Variants in MBD5 observed in about 807,000 individuals in gnomAD.
MBD5 encodes the protein methyl-CpG binding domain protein 5.
In MBD5, 13 loss-of-function variants were observed where a neutral mutation model predicts 117.3. That is an observed-to-expected ratio of 0.11 (90% CI 0.07 to 0.18). The LOEUF (loss-of-function observed/expected upper bound fraction) is 0.18, where lower values mean the gene tolerates loss of function less well. Ranked by LOEUF, MBD5 falls within the 10% of genes least tolerant of loss-of-function variation. MBD5 has a pLI of 1.00. For missense variants in MBD5, 1,879 were observed against 2,093.8 expected (o/e 0.90, Z 2.00); for synonymous variants, 727 against 766.4 (o/e 0.95, Z 0.85).
intron 1 of MBD5, among the ~76,000 whole-genome samples, chr2:148,093,332 T>C (rs892853639): frequency 6.6e-6 from 1 of 152,198 alleles, no homozygotes; most frequent in Non-Finnish European, 1.5e-5. Flanking sequence ...CACTGGAAAC[T>C]CCTAAGGTTG....
chr2:148,204,942 G>A (rs758194339), intron 2 of MBD5, among the ~76,000 whole-genome samples: 3 of 151,986 alleles, frequency 2.0e-5, no homozygotes, highest in Non-Finnish European at 2.9e-5. Flanking sequence ...AGAACAAAAT[G>A]TAGACACTAT....
At chr2:148,244,854 C>T (rs1252152520) in intron 3 of MBD5, among the ~76,000 whole-genome samples, 3 of 152,158 alleles carry the variant, frequency 2.0e-5, no homozygotes, top group South Asian at 2.1e-4. Context: ...GTGAGACATG[C>T]GAGGTTTTTT....
intron 1 of MBD5, among the ~76,000 whole-genome samples, chr2:148,101,916 T>C (rs1696227060): frequency 6.6e-6 from 1 of 152,172 alleles, no homozygotes; most frequent in Non-Finnish European, 1.5e-5. Flanking sequence ...TGCATGTATA[T>C]ACATACACAC....
chr2:148,373,112 G>A (rs1703900771), intron 4 of MBD5, among the ~76,000 whole-genome samples: 1 of 151,924 alleles, frequency 6.6e-6, no homozygotes, highest in African/African-American at 2.4e-5. Flanking sequence ...TTTTAACTTC[G>A]GTGAATAAAC....
intron 3 of MBD5, among the ~76,000 whole-genome samples, chr2:148,334,418 G>T (rs1404705459): frequency 1.3e-5 from 2 of 151,834 alleles, no homozygotes; most frequent in African/African-American, 4.8e-5. Context: ...TTACAACCTG[G>T]AACTCTTGGG....
intron 3 of MBD5, among the ~76,000 whole-genome samples, chr2:148,246,274 G>A (rs73011293): frequency 7.9e-4 from 120 of 152,232 alleles, no homozygotes; most frequent in African/African-American, 2.8e-3. Flanking sequence ...GTATATATCG[G>A]AATCCAGCAC....
At chr2:148,482,538 G>C (rs563437211) in intron 8 of MBD5, among the ~76,000 whole-genome samples, 1 of 152,040 alleles carries the variant, frequency 6.6e-6, no homozygotes, top group Admixed American at 6.5e-5. Flanking sequence ...TAGACATGCA[G>C]GTAGAAAAAG....
At position 148,037,443 on chromosome 2, in the gene MBD5, A is replaced by G. The variant is rs1033235279; in HGVS notation, c.-925+15759A>G. Among the ~76,000 whole-genome samples, 24 of 152,090 alleles carry G rather than the reference A, an allele frequency of 1.6e-4. 1 individual carries two copies. In the East Asian group the frequency reaches 4.6e-3, roughly 29 times the overall value. Reference sequence around the variant, plus strand: ...TCCTGATGTAATTAAACCACTTTAAATGTCTGCTAAAAAATATCAAGTTAT... The same window carrying G: ...TCCTGATGTAATTAAACCACTTTAAGTGTCTGCTAAAAAATATCAAGTTAT... On this transcript the variant is annotated intron_variant, in intron 1 of 13. Coordinates refer to ENST00000642680, the MANE Select transcript of MBD5 (RefSeq NM_001378120.1).
chr2:148,048,498 G>GA lies in MBD5; in HGVS notation c.-925+26818dup, dbSNP rs549628121. On this transcript the variant is annotated intron_variant, in intron 1 of 13. Coordinates refer to ENST00000642680, the MANE Select transcript of MBD5 (RefSeq NM_001378120.1). Reference sequence around the variant, plus strand: ...AATGCTTTAGTGGAGAGTTTTGTGAGAAAATAAGAACTGAGAAAAGAAGCC... The same window carrying GA: ...AATGCTTTAGTGGAGAGTTTTGTGAGAAAAATAAGAACTGAGAAAAGAAGCC... 6.2e-3 allele frequency among the ~76,000 whole-genome samples: 948 copies of GA among 152,206 alleles called. 6 individuals are homozygous for GA. The highest frequency in any genetic ancestry group is 0.01 in the Admixed American group (159 of 15,286).
At chr2:148,238,742 T>C (rs1028633260) in intron 3 of MBD5, among the ~76,000 whole-genome samples, 1 of 152,110 alleles carries the variant, frequency 6.6e-6, no homozygotes, top group Non-Finnish European at 1.5e-5. Context: ...TTGCCAGCAA[T>C]TTTTGGCATT....
Position 148,445,361 on chromosome 2 carries a change from T to C in MBD5, c.-556-12842T>C, listed in dbSNP as rs934928646. On this transcript the variant is annotated intron_variant, in intron 4 of 13. Coordinates refer to ENST00000642680, the MANE Select transcript of MBD5 (RefSeq NM_001378120.1). ...TCCAAATGTTCTCATTGTTCAGTTCTCACCTATGAGTGAGAACATGCGGTG... is the reference window on the plus strand; with the variant it reads ...TCCAAATGTTCTCATTGTTCAGTTCCCACCTATGAGTGAGAACATGCGGTG... Among the ~76,000 whole-genome samples, 12 of 150,862 alleles carry C rather than the reference T, an allele frequency of 8.0e-5. 1 individual carries two copies. Among genetic ancestry groups the C allele is most frequent in the Non-Finnish European group, 1.0e-4 (7 of 67,938 alleles).
chr2:148,147,776 G>A (rs1307830228), intron 1 of MBD5, among the ~76,000 whole-genome samples: 1 of 152,112 alleles, frequency 6.6e-6, no homozygotes, highest in East Asian at 1.9e-4. Flanking sequence ...CCTTTGTGAA[G>A]GGCCTGTGTG....
intron 3 of MBD5, among the ~76,000 whole-genome samples, chr2:148,294,369 T>C (rs1462371017): frequency 1.4e-5 from 2 of 140,564 alleles, no homozygotes; most frequent in Admixed American, 1.4e-4. Context: ...GGACTACAGG[T>C]GCCCGCCACC....
rs35382856 is a variant in MBD5, at chr2:148,162,738, AAG to A, written c.-924-15960_-924-15959del. Among the ~76,000 whole-genome samples the A allele has an allele frequency of 9.9e-3, 1,510 of 152,292 alleles. 26 individuals carry two copies. The highest frequency in any genetic ancestry group is 0.034 in the African/African-American group (1,425 of 41,564). Reference sequence around the variant, plus strand: ...GAAAAATACATTCTAACAAACAAAAAAGAATATAATTCTAACAAAAAGTTTAT... The same window carrying A: ...GAAAAATACATTCTAACAAACAAAAAAATATAATTCTAACAAAAAGTTTAT... On this transcript the variant is annotated intron_variant, in intron 1 of 13. Transcript: ENST00000642680.
chr2:148,371,608 C>A (rs991009838), intron 4 of MBD5, among the ~76,000 whole-genome samples: 18 of 152,156 alleles, frequency 1.2e-4, no homozygotes, highest in Middle Eastern at 3.4e-3. Flanking sequence ...AGTGTGTGAT[C>A]TTTTAGTAAG....
chr2:148,244,665 G>C (rs1246766559), intron 3 of MBD5, among the ~76,000 whole-genome samples: 3 of 152,104 alleles, frequency 2.0e-5, no homozygotes, highest in African/African-American at 7.2e-5. Flanking sequence ...ATTGTAGTGG[G>C]CACTGGTGAC....
rs539765728 is a variant in MBD5, at chr2:148,456,448, G to C, written c.-556-1755G>C. Among the ~76,000 whole-genome samples the C allele has an allele frequency of 2.6e-5, 4 of 152,164 alleles. No homozygotes were observed. The South Asian group carries it at 8.3e-4, about 32-fold the overall frequency. The stretch of plus-strand genomic sequence containing the variant: ...GATTTCAACCTACGGATTTGGGGGG[G>C]ACACAGACATTCAGACCACAGTACT... On this transcript the variant is annotated intron_variant, in intron 4 of 13. Coordinates refer to ENST00000642680, the MANE Select transcript of MBD5 (RefSeq NM_001378120.1).
At chr2:148,428,069 A>G (rs1273875254) in intron 4 of MBD5, among the ~76,000 whole-genome samples, 3 of 152,228 alleles carry the variant, frequency 2.0e-5, no homozygotes. Flanking sequence ...GTGTTTGCAG[A>G]TGACATGATT....
chr2:148,446,056 C>T (rs1160003359), intron 4 of MBD5, among the ~76,000 whole-genome samples: 5 of 150,660 alleles, frequency 3.3e-5, no homozygotes, highest in Non-Finnish European at 5.9e-5. Context: ...GAGTAGGTTG[C>T]AAAAATTTTC....
Sources: gnomAD v4.1 joint callset for allele counts (sites outside exome capture counted in the v4.1 genomes callset) on GRCh38, gnomAD v4.1.1 for gene constraint, MANE v1.5 for transcripts, NCBI Gene and HGNC (gene_info 2026-07-23, HGNC 2026-07-21) for gene names.